FMN2: variants seen among roughly 807,000 people sequenced by gnomAD.
FMN2 encodes the protein formin 2.
FMN2 carries 51 observed loss-of-function variants against 142.3 expected under a neutral mutation model. The observed-to-expected ratio is 0.36, with a 90% confidence interval of 0.29 to 0.45. The LOEUF (loss-of-function observed/expected upper bound fraction) is 0.45, where lower values mean the gene tolerates loss of function less well. Ranked by LOEUF, FMN2 falls within the 20% of genes least tolerant of loss-of-function variation. FMN2 has a pLI of 1.00. For missense variants in FMN2, 1,936 were observed against 2,122.8 expected (o/e 0.91, Z 1.73); for synonymous variants, 882 against 869.8 (o/e 1.01, Z -0.25).
intron 16 of FMN2, among the ~76,000 whole-genome samples, chr1:240,452,378 G>A (rs1436686701): frequency 6.6e-6 from 1 of 151,974 alleles, no homozygotes; most frequent in Non-Finnish European, 1.5e-5. Flanking sequence ...CCTCTAAAAT[G>A]TATTGAACAA....
In FMN2 at chr1:240,364,981, G is replaced by A. The variant is rs1672613520; in HGVS notation, c.4858+9073G>A. On this transcript the variant is annotated intron_variant, in intron 14 of 17. Coordinates refer to ENST00000319653, the MANE Select transcript of FMN2 (RefSeq NM_020066.5). ...CTTCATTTCTCTATGAATGAGTGCT[G>A]GGAATGTTTAAATAATGCATGTATC... is the stretch of plus-strand genomic sequence containing the variant. Among the ~76,000 whole-genome samples, 2 of 152,078 alleles carry A rather than the reference G, an allele frequency of 1.3e-5. 1 individual carries two copies. Among genetic ancestry groups the A allele is most frequent in the Admixed American group, 1.3e-4 (2 of 15,268 alleles).
At chr1:240,316,552 T>C (rs12047696) in intron 8 of FMN2, among the ~76,000 whole-genome samples, 9,757 of 152,040 alleles carry the variant, frequency 0.064, 406 homozygotes, top group South Asian at 0.12. Context: ...GTTTCTAAGA[T>C]GTTTTTCAGG....
intron 8 of FMN2, among the ~76,000 whole-genome samples, chr1:240,320,517 T>C (rs1230389304): frequency 6.6e-6 from 1 of 152,026 alleles, no homozygotes; most frequent in African/African-American, 2.4e-5. Context: ...CCCTAGAGAG[T>C]GGACCTGGGA....
At position 240,257,938 on chromosome 1, in the gene FMN2, C is replaced by T. The variant is rs566336957; in HGVS notation, c.4066-7C>T. The T allele has an allele frequency of 5.2e-5, 84 of 1,611,018 alleles. No homozygotes were observed. The highest frequency in any genetic ancestry group is 2.5e-4 in the African/African-American group (19 of 74,902). On this transcript the variant is annotated splice_polypyrimidine_tract_variant and splice_region_variant and intron_variant, in intron 6 of 17. Coordinates refer to ENST00000319653, the MANE Select transcript of FMN2 (RefSeq NM_020066.5). Reference sequence around the variant, plus strand: ...CATTTTCCCCTTTTACTTTCTTTCTCGAGCAGGTTGTCAAGTTATTAAGCA... The same window carrying T: ...CATTTTCCCCTTTTACTTTCTTTCTTGAGCAGGTTGTCAAGTTATTAAGCA...
intron 8 of FMN2, among the ~76,000 whole-genome samples, chr1:240,326,960 G>A (rs567699371): frequency 7.2e-5 from 11 of 152,166 alleles, no homozygotes; most frequent in African/African-American, 2.2e-4. Context: ...AGAAAGATGG[G>A]TATTGTCATT....
At chr1:240,404,454 T>C (rs1674085139) in intron 15 of FMN2, among the ~76,000 whole-genome samples, 1 of 152,202 alleles carries the variant, frequency 6.6e-6, no homozygotes, top group Admixed American at 6.5e-5. Context: ...ACATGGAATG[T>C]CTTTGCAAAA....
intron 2 of FMN2, chr1:240,144,305 A>G (rs575850432): frequency 2.2e-5 from 35 of 1,607,390 alleles, no homozygotes; most frequent in East Asian, 1.6e-4. Context: ...ACTGCCCCCA[A>G]ACCTGTTGTT....
At chr1:240,319,932 C>A (rs1670913958) in intron 8 of FMN2, among the ~76,000 whole-genome samples, 1 of 152,056 alleles carries the variant, frequency 6.6e-6, no homozygotes, top group South Asian at 2.1e-4. Flanking sequence ...TTTTTTTCCC[C>A]AGGAGTTGAA....
At chr1:240,411,298 C>T (rs758223421) in intron 15 of FMN2, among the ~76,000 whole-genome samples, 45 of 152,214 alleles carry the variant, frequency 3.0e-4, no homozygotes, top group Non-Finnish European at 4.1e-4. Context: ...TTCGGCCGGG[C>T]GCGGTGTTTC....
intron 8 of FMN2, among the ~76,000 whole-genome samples, chr1:240,320,480 A>G (rs1670935213): frequency 1.3e-5 from 2 of 152,208 alleles, no homozygotes; most frequent in Admixed American, 1.3e-4. Context: ...TAGCTTCCTC[A>G]CATATCTGAA....
intron 7 of FMN2, among the ~76,000 whole-genome samples, chr1:240,288,715 C>G (rs189223992): frequency 2.7e-4 from 41 of 152,130 alleles, no homozygotes; most frequent in Non-Finnish European, 1.0e-4. Flanking sequence ...GAAGGAGGCC[C>G]TGTCTCGTAT....
At chr1:240,173,982 C>T (rs923099429) in intron 2 of FMN2, among the ~76,000 whole-genome samples, 2 of 152,146 alleles carry the variant, frequency 1.3e-5, no homozygotes, top group Non-Finnish European at 2.9e-5. Context: ...AGGATGATGG[C>T]TCTCTAGGCA....
chr1:240,453,362 T>G (rs1412977514), intron 16 of FMN2, among the ~76,000 whole-genome samples: 1 of 152,130 alleles, frequency 6.6e-6, no homozygotes, highest in Non-Finnish European at 1.5e-5. Flanking sequence ...CCTTTGACCT[T>G]GGGCAGTTAT....
chr1:240,437,292 C>CTTT lies in FMN2; in HGVS notation c.4911-752_4911-750dup, dbSNP rs10649766. 3.3e-4 allele frequency among the ~76,000 whole-genome samples: 39 copies of CTTT among 117,368 alleles called. 1 individual carries two copies. The highest frequency in any genetic ancestry group is 7.6e-4 in the African/African-American group (22 of 28,990). The allele number at this position is 117,368 out of a possible 152,430, so 77.0% of individuals were successfully genotyped here. A position where few individuals can be genotyped will look rare whatever the true frequency, so the allele number is the denominator to read the frequency against. On this transcript the variant is annotated intron_variant, in intron 15 of 17. Transcript: ENST00000319653. ...TAGGAGACTTTGTCAGCATCTCTTG[C>CTTT]TTTTTTTTTTTTTTTTTTTGAGACG... is the stretch of plus-strand genomic sequence containing the variant.
chr1:240,435,981 C>CT (rs1435213497), intron 15 of FMN2, among the ~76,000 whole-genome samples: 1 of 152,148 alleles, frequency 6.6e-6, no homozygotes, highest in Non-Finnish European at 1.5e-5. Flanking sequence ...GTCATACATT[C>CT]TTTTTAGGTA....
chr1:240,177,360 TC>T (rs1558339140), intron 2 of FMN2, among the ~76,000 whole-genome samples: 4 of 140,312 alleles, frequency 2.9e-5, no homozygotes, highest in South Asian at 2.4e-4. Context: ...CCTATTCAAT[TC>T]TTTTTTTTTT....
intron 16 of FMN2, among the ~76,000 whole-genome samples, chr1:240,457,266 T>C (rs1046893592): frequency 2.0e-5 from 3 of 152,184 alleles, no homozygotes; most frequent in East Asian, 1.9e-4. Context: ...CTGGGAAGCA[T>C]GAGGGGAATG....
At chr1:240,143,510 T>G in intron 2 of FMN2, 1 of 1,579,906 alleles carries the variant, frequency 6.3e-7, no homozygotes, top group African/African-American at 1.3e-5. Context: ...TCTTCCTCCT[T>G]CTCTTTGGAG....
intron 1 of FMN2, among the ~76,000 whole-genome samples, chr1:240,112,843 C>T (rs1661867616): frequency 1.3e-5 from 2 of 152,128 alleles, no homozygotes; most frequent in African/African-American, 2.4e-5. Context: ...GGTCCGGGCC[C>T]TAGGGACTGA....
Sources: gnomAD v4.1 joint callset for allele counts (sites outside exome capture counted in the v4.1 genomes callset) on GRCh38, gnomAD v4.1.1 for gene constraint, MANE v1.5 for transcripts, NCBI Gene and HGNC (gene_info 2026-07-23, HGNC 2026-07-21) for gene names.